Variants in CCDC73 observed in about 807,000 individuals in gnomAD.
CCDC73 encodes the protein coiled-coil domain-containing protein 73.
A neutral mutation model predicts 116.5 loss-of-function variants in CCDC73; 95 were observed. That is an observed-to-expected ratio of 0.82 (90% confidence interval 0.69 to 0.97). The LOEUF is 0.97. Ranked by LOEUF, CCDC73 falls within the 50% of genes least tolerant of loss-of-function variation. CCDC73 has a pLI of 0.00. For synonymous variants in CCDC73, 398 were observed against 401.3 expected, an observed-to-expected ratio of 0.99 and a Z score of 0.10; for missense variants, 1,066 against 1,206.8, an observed-to-expected ratio of 0.88 and a Z score of 1.73.
chr11:32,725,917 G>C (rs1249245218), intron 2 of CCDC73, among the ~76,000 whole-genome samples: 1 of 151,968 alleles, frequency 6.6e-6, no homozygotes, highest in Non-Finnish European at 1.5e-5. Flanking sequence ...CAAGGAGGAG[G>C]GACTCTGGCA....
chr11:32,818,106 G>A, the CCDC73 span, among the ~76,000 whole-genome samples: 1 of 152,154 alleles, frequency 6.6e-6, no homozygotes, highest in Admixed American at 6.6e-5. Flanking sequence ...ACCAATTGAG[G>A]TTTGCTTCAA....
At chr11:32,626,930 T>A (rs1160843949) in intron 14 of CCDC73, among the ~76,000 whole-genome samples, 2 of 152,144 alleles carry the variant, frequency 1.3e-5, no homozygotes, top group African/African-American at 4.8e-5. Flanking sequence ...ACTTCATGTC[T>A]AAAACACCAA....
intron 14 of CCDC73, among the ~76,000 whole-genome samples, chr11:32,624,124 G>A (rs976566985): frequency 1.3e-5 from 2 of 151,588 alleles, no homozygotes; most frequent in Non-Finnish European, 2.9e-5. Context: ...ACAAGGTCAG[G>A]AGATCGAGAC....
intron 1 of CCDC73, among the ~76,000 whole-genome samples, chr11:32,766,731 G>A (rs996952633): frequency 6.6e-6 from 1 of 152,156 alleles, no homozygotes; most frequent in African/African-American, 2.4e-5. Flanking sequence ...TTGCTTCAAA[G>A]AGAATAAAAT....
intron 1 of CCDC73, among the ~76,000 whole-genome samples, chr11:32,776,989 G>GTGTA (rs1211332182): frequency 9.9e-6 from 1 of 101,128 alleles, no homozygotes; most frequent in African/African-American, 3.7e-5. Context: ...ATATACACAT[G>GTGTA]TATATATATA....
chr11:32,643,870 A>C (rs1855754244), intron 12 of CCDC73, among the ~76,000 whole-genome samples: 1 of 152,104 alleles, frequency 6.6e-6, no homozygotes, highest in Admixed American at 6.5e-5. Context: ...TTGACTTTAC[A>C]AACTTTTTTT....
chr11:32,657,374 A>C (rs1336017790), intron 9 of CCDC73, among the ~76,000 whole-genome samples: 1 of 152,246 alleles, frequency 6.6e-6, no homozygotes, highest in Non-Finnish European at 1.5e-5. Flanking sequence ...ATTCTTAGAA[A>C]AGCAGGCAGA....
intron 14 of CCDC73, among the ~76,000 whole-genome samples, chr11:32,630,707 T>C (rs1855623916): frequency 6.6e-6 from 1 of 152,124 alleles, no homozygotes; most frequent in Non-Finnish European, 1.5e-5. Context: ...TTAATGCCAC[T>C]GAACTATACA....
rs145584126 is a variant in CCDC73 at position 32,607,883 on chromosome 11, C to T, written c.3030+3249G>A. Among the ~76,000 whole-genome samples the T allele has an allele frequency of 7.5e-3, 1,138 of 152,188 alleles. 17 individuals are homozygous for T. Among genetic ancestry groups the T allele is most frequent in the African/African-American group, 0.025 (1,050 of 41,498 alleles). On this transcript the variant is annotated intron_variant, in intron 17 of 17. Coordinates refer to ENST00000335185, the MANE Select transcript of CCDC73 (RefSeq NM_001008391.4). The stretch of plus-strand genomic sequence containing the variant: ...GAGGCCTCATAATCATGGCAGAAGG[C>T]GAAAGGCAATTCTTACATGGTGGCA...
Position 32,613,708 on chromosome 11 carries a change from G to A in CCDC73, c.2610C>T (p.His870=), listed in dbSNP as rs1486884821. ...TTACTAAATCTCCAGATGGCTCTAT[G>A]TGAAATGAATGTGATTCCTCCAGCT... ...EGQLEESHSF[H]IEPSGDLVNR... Residue 870 remains histidine, a synonymous_variant, in exon 16 of 18, where the codon CAC becomes CAT. Coordinates refer to ENST00000335185, the MANE Select transcript of CCDC73 (RefSeq NM_001008391.4). 1 of 1,614,058 alleles carries A rather than the reference G, an allele frequency of 6.2e-7. No individual in the cohort carries two copies. Among genetic ancestry groups the A allele is most frequent in the Admixed American group, 1.7e-5 (1 of 60,020 alleles).
At chr11:32,634,591 T>G (rs188657874) in intron 14 of CCDC73, among the ~76,000 whole-genome samples, 2 of 152,266 alleles carry the variant, frequency 1.3e-5, no homozygotes, top group East Asian at 1.9e-4. Flanking sequence ...CCATTTAAGA[T>G]GAGAAACAAG....
At chr11:32,691,261 G>A (rs1856255724) in intron 6 of CCDC73, among the ~76,000 whole-genome samples, 1 of 151,898 alleles carries the variant, frequency 6.6e-6, no homozygotes, top group South Asian at 2.1e-4. Context: ...GGTCAGGCTG[G>A]TCTCGAACTC....
chr11:32,661,612 C>T (rs1855927568), intron 9 of CCDC73, among the ~76,000 whole-genome samples: 1 of 151,950 alleles, frequency 6.6e-6, no homozygotes, highest in Non-Finnish European at 1.5e-5. Flanking sequence ...ATCCATGTCC[C>T]TACAAAGGAC....
chr11:32,720,032 C>T (rs1350977732), intron 2 of CCDC73, among the ~76,000 whole-genome samples: 1 of 152,114 alleles, frequency 6.6e-6, no homozygotes, highest in African/African-American at 2.4e-5. Context: ...GAGGAGGAAA[C>T]ACATACTAAC....
At chr11:32,634,474 G>A (rs1008849717) in intron 14 of CCDC73, among the ~76,000 whole-genome samples, 1 of 152,106 alleles carries the variant, frequency 6.6e-6, no homozygotes, top group Non-Finnish European at 1.5e-5. Flanking sequence ...ACTCATTTGT[G>A]ATAAAAGCTC....
At chr11:32,671,015 A>G (rs1296985981) in intron 9 of CCDC73, among the ~76,000 whole-genome samples, 1 of 152,200 alleles carries the variant, frequency 6.6e-6, no homozygotes, top group Admixed American at 6.5e-5. Flanking sequence ...CATGCTTTTG[A>G]TTTTATAGAC....
At chr11:32,802,771 G>T in the CCDC73 span, among the ~76,000 whole-genome samples, 3 of 152,034 alleles carry the variant, frequency 2.0e-5, no homozygotes, top group Non-Finnish European at 4.4e-5. Context: ...TAATTTTTTT[G>T]AGACAGAGTC....
chr11:32,824,057 G>A, the CCDC73 span, among the ~76,000 whole-genome samples: 61,508 of 151,906 alleles, frequency 0.4, 12,412 homozygotes, highest in South Asian at 0.45. Flanking sequence ...ACCATGCCCA[G>A]TTAATTTTTG....
intron 17 of CCDC73, among the ~76,000 whole-genome samples, chr11:32,608,396 T>C (rs1337067624): frequency 4.6e-5 from 7 of 151,930 alleles, no homozygotes; most frequent in African/African-American, 1.7e-4. Context: ...AAACAAAGGG[T>C]CTACAGGCCC....
Sources: gnomAD v4.1 joint callset for allele counts (sites outside exome capture counted in the v4.1 genomes callset) on GRCh38, gnomAD v4.1.1 for gene constraint, MANE v1.5 for transcripts, NCBI Gene and HGNC (gene_info 2026-07-23, HGNC 2026-07-21) for gene names.